Variants in PDE4B observed in about 807,000 individuals in gnomAD.
PDE4B encodes the protein 3',5'-cyclic-AMP phosphodiesterase 4B.
PDE4B carries 20 observed loss-of-function variants against 82.2 expected under a neutral mutation model. That is an observed-to-expected ratio of 0.24 (90% confidence interval 0.17 to 0.35). The LOEUF (loss-of-function observed/expected upper bound fraction) is 0.35. PDE4B is among the 10% of genes least tolerant of loss of function. The pLI is 1.00. For missense variants in PDE4B, 655 were observed against 907.2 expected (o/e 0.72, Z 3.57); for synonymous variants, 320 against 318.9 (o/e 1.00, Z -0.04).
chr1:66,266,796 A>G (rs531129370), intron 7 of PDE4B: 94 of 449,054 alleles, frequency 2.1e-4, no homozygotes, highest in Non-Finnish European at 3.6e-4. Flanking sequence ...CAGTTCTATG[A>G]TATTTGTTAA....
intron 7 of PDE4B, among the ~76,000 whole-genome samples, chr1:66,299,227 T>G (rs1363829433): frequency 1.3e-5 from 2 of 152,188 alleles, no homozygotes; most frequent in African/African-American, 4.8e-5. Context: ...TGTCTTCCTC[T>G]TCCCACTAAT....
intron 7 of PDE4B, among the ~76,000 whole-genome samples, chr1:66,274,539 A>G (rs1028756291): frequency 6.6e-6 from 1 of 152,122 alleles, no homozygotes; most frequent in Non-Finnish European, 1.5e-5. Flanking sequence ...AAAGCTTTAT[A>G]TAGTGATTAA....
intron 7 of PDE4B, among the ~76,000 whole-genome samples, chr1:66,293,882 C>A (rs1434969677): frequency 6.6e-6 from 1 of 152,140 alleles, no homozygotes; most frequent in Admixed American, 6.6e-5. Context: ...AACTCCAGAT[C>A]AGATAATCTC....
At chr1:65,887,357 TTCCC>T (rs1249091438) in intron 1 of PDE4B, among the ~76,000 whole-genome samples, 369 of 28,588 alleles carry the variant, frequency 0.013, 37 homozygotes, top group African/African-American at 0.075. Context: ...CTCTCTCTCT[TTCCC>T]TCCCTCCCTC....
chr1:65,852,934 A>T (rs193035479), intron 1 of PDE4B, among the ~76,000 whole-genome samples: 2 of 152,206 alleles, frequency 1.3e-5, no homozygotes, highest in Non-Finnish European at 2.9e-5. Context: ...ATTTATACTT[A>T]CAGATTGCCT....
Position 66,155,357 on chromosome 1 carries a change from A to G in PDE4B, c.282-92103A>G, listed in dbSNP as rs576340617. ...TACCTACAATTTCTGCTCCCTCACA[A>G]CTTCACAGGACCCATCATGGCTGCC... On this transcript the variant is annotated intron_variant, in intron 3 of 16. Coordinates refer to ENST00000341517, the MANE Select transcript of PDE4B (RefSeq NM_002600.4). Among the ~76,000 whole-genome samples, 3 of 151,696 alleles carry G rather than the reference A, an allele frequency of 2.0e-5. No individual in the cohort carries two copies. In the East Asian group the frequency reaches 5.8e-4, roughly 30 times the overall value.
intron 1 of PDE4B, among the ~76,000 whole-genome samples, chr1:65,824,248 C>A (rs970174160): frequency 1.3e-5 from 2 of 152,034 alleles, no homozygotes; most frequent in Non-Finnish European, 2.9e-5. Flanking sequence ...GTATCTTTCA[C>A]ATACTTAGTG....
intron 7 of PDE4B, among the ~76,000 whole-genome samples, chr1:66,291,288 C>T (rs1047040072): frequency 6.6e-6 from 1 of 151,940 alleles, no homozygotes; most frequent in Admixed American, 6.6e-5. Flanking sequence ...TTTTCTCAGA[C>T]CAAGAAGCTA....
At chr1:66,022,135 T>G (rs1453739096) in intron 3 of PDE4B, among the ~76,000 whole-genome samples, 1 of 152,218 alleles carries the variant, frequency 6.6e-6, no homozygotes, top group East Asian at 1.9e-4. Flanking sequence ...ATAGGAATGC[T>G]TGTGATTTTT....
At chr1:66,154,212 T>C (rs1464875017) in intron 3 of PDE4B, among the ~76,000 whole-genome samples, 1 of 152,182 alleles carries the variant, frequency 6.6e-6, no homozygotes, top group Non-Finnish European at 1.5e-5. Flanking sequence ...TGTTTATTGC[T>C]TACCTGAGCT....
chr1:66,071,367 A>G (rs1308954507), intron 3 of PDE4B, among the ~76,000 whole-genome samples: 1 of 152,158 alleles, frequency 6.6e-6, no homozygotes, highest in Non-Finnish European at 1.5e-5. Flanking sequence ...ATCTATAGAT[A>G]AATGCAACTC....
intron 3 of PDE4B, among the ~76,000 whole-genome samples, chr1:66,139,744 A>AAC (rs1470518026): frequency 6.7e-6 from 1 of 148,586 alleles, no homozygotes; most frequent in Non-Finnish European, 1.5e-5. Context: ...TCAAAAAAAA[A>AAC]AAAAAAAACA....
intron 8 of PDE4B, among the ~76,000 whole-genome samples, chr1:66,333,689 G>C (rs1017287651): frequency 6.6e-6 from 1 of 152,146 alleles, no homozygotes; most frequent in African/African-American, 2.4e-5. Flanking sequence ...TGGGGTAAAA[G>C]TACCACCTTT....
chr1:65,947,205 C>T (rs1280950979), intron 3 of PDE4B, among the ~76,000 whole-genome samples: 1 of 152,062 alleles, frequency 6.6e-6, no homozygotes, highest in Non-Finnish European at 1.5e-5. Context: ...TGGGGCAAGA[C>T]TGTGGATATA....
chr1:65,799,821 C>G (rs1645674225), intron 1 of PDE4B, among the ~76,000 whole-genome samples: 1 of 152,268 alleles, frequency 6.6e-6, no homozygotes, highest in South Asian at 2.1e-4. Context: ...ACAGGGAACT[C>G]AGCCCACAGT....
intron 3 of PDE4B, among the ~76,000 whole-genome samples, chr1:65,953,137 T>G (rs888269229): frequency 2.0e-5 from 3 of 152,114 alleles, no homozygotes; most frequent in East Asian, 3.9e-4. Context: ...TAACTTCCAC[T>G]GTCTTAAGAC....
chr1:66,343,402 T>C (rs1430149309), intron 8 of PDE4B, among the ~76,000 whole-genome samples: 1 of 152,232 alleles, frequency 6.6e-6, no homozygotes, highest in Non-Finnish European at 1.5e-5. Context: ...CCCTGTGCTA[T>C]GATTCTGCTC....
intron 3 of PDE4B, among the ~76,000 whole-genome samples, chr1:66,113,079 G>C (rs1246613908): frequency 6.6e-6 from 1 of 152,166 alleles, no homozygotes; most frequent in East Asian, 1.9e-4. Flanking sequence ...ACTGAAAGGT[G>C]CTTTTCCCCA....
chr1:65,816,897 A>C (rs1011396872), intron 1 of PDE4B, among the ~76,000 whole-genome samples: 1 of 152,248 alleles, frequency 6.6e-6, no homozygotes, highest in Non-Finnish European at 1.5e-5. Flanking sequence ...CAAAGCCAAC[A>C]CAAATACATT....
Sources: allele counts gnomAD v4.1 joint callset (sites outside exome capture counted in the v4.1 genomes callset), GRCh38; gene constraint gnomAD v4.1.1; transcripts MANE v1.5; gene names NCBI Gene and HGNC (gene_info 2026-07-23, HGNC 2026-07-21).